Variants in COL22A1 observed in about 807,000 individuals in gnomAD.
The protein encoded by COL22A1 is collagen alpha-1(XXII) chain.
COL22A1 carries 221 observed loss-of-function variants against 248.9 expected under a neutral mutation model. The observed-to-expected ratio is 0.89, with a 90% CI of 0.80 to 0.99. The LOEUF (loss-of-function observed/expected upper bound fraction) is 0.99, where lower values mean the gene tolerates loss of function less well. Among genes scored for constraint, COL22A1 ranks in the 50% least tolerant of loss-of-function variants. The pLI, the probability that COL22A1 is intolerant of heterozygous loss-of-function variation, is 0.00. For synonymous variants in COL22A1, 891 were observed against 793.4 expected (o/e 1.12, Z -2.07); for missense variants, 2,240 against 2,179.0 (o/e 1.03, Z -0.56).
At chr8:138,833,191 A>G (rs1470378160) in intron 4 of COL22A1, 41 bp from the exon 5 acceptor site, 2 of 1,383,746 alleles carry the variant, frequency 1.4e-6, no homozygotes, top group Admixed American at 3.4e-5. Context: ...TGGAGAAGGA[A>G]GAGTATAAGA....
At chr8:138,689,118 C>A (rs1826608894) in intron 36 of COL22A1, 148 bp from the exon 37 acceptor site, 3 of 662,002 alleles carry the variant, frequency 4.5e-6, no homozygotes, top group Admixed American at 2.4e-5. Context: ...TTAAATTCCC[C>A]AAAGCTCCAC....
intron 12 of COL22A1, among the ~76,000 whole-genome samples, chr8:138,795,189 G>A (rs1040928234): frequency 1.3e-5 from 2 of 152,208 alleles, no homozygotes; most frequent in Non-Finnish European, 2.9e-5. Context: ...ATGGAAAGCG[G>A]CAGGAGATTT....
chr8:138,844,596 G>A (rs1254838058), intron 3 of COL22A1, among the ~76,000 whole-genome samples: 1 of 152,194 alleles, frequency 6.6e-6, no homozygotes, highest in African/African-American at 2.4e-5. Flanking sequence ...AGAACTGTAA[G>A]ATTTAGCCTG....
intron 16 of COL22A1, among the ~76,000 whole-genome samples, chr8:138,765,040 C>T (rs955767542): frequency 3.3e-5 from 5 of 152,198 alleles, no homozygotes; most frequent in African/African-American, 9.6e-5. Flanking sequence ...GCCTGGGTTT[C>T]GTCTCTGCCA....
intron 30 of COL22A1, among the ~76,000 whole-genome samples, chr8:138,711,944 T>C (rs1308674955): frequency 6.6e-6 from 1 of 152,228 alleles, no homozygotes; most frequent in Non-Finnish European, 1.5e-5. Context: ...AAACCTCTAT[T>C]CATGCAGCTC....
intron 52 of COL22A1, among the ~76,000 whole-genome samples, chr8:138,622,984 T>A: frequency 6.6e-6 from 1 of 151,846 alleles, no homozygotes; most frequent in East Asian, 1.9e-4. Context: ...AACCGATGAA[T>A]CATCATGATG....
intron 3 of COL22A1, among the ~76,000 whole-genome samples, chr8:138,847,592 T>C (rs1286331005): frequency 6.6e-6 from 1 of 152,164 alleles, no homozygotes; most frequent in African/African-American, 2.4e-5. Context: ...AGGAAACAAA[T>C]AACCAAAGCT....
intron 32 of COL22A1, among the ~76,000 whole-genome samples, chr8:138,696,433 T>C (rs757610830): frequency 4.7e-5 from 7 of 148,524 alleles, no homozygotes; most frequent in Admixed American, 1.3e-4. Context: ...AAGAGTCTAA[T>C]GTCTACATTA....
At chr8:138,753,944 T>C (rs1302087978) in intron 21 of COL22A1, among the ~76,000 whole-genome samples, 1 of 152,198 alleles carries the variant, frequency 6.6e-6, no homozygotes. Context: ...AGAGGAAGGA[T>C]TGTATACTCC....
At chr8:138,609,047 G>A (rs1270223457) in intron 56 of COL22A1, among the ~76,000 whole-genome samples, 4 of 152,222 alleles carry the variant, frequency 2.6e-5, no homozygotes, top group East Asian at 1.9e-4. Context: ...TCTAATGTGC[G>A]AAGCATGCAT....
intron 29 of COL22A1, 81 bp downstream of exon 29, chr8:138,716,146 G>T: frequency 1.9e-6 from 2 of 1,072,054 alleles, no homozygotes; most frequent in Non-Finnish European, 2.7e-6. Context: ...CTGTCCCGAG[G>T]GACTGAGACT....
Position 138,588,956 on chromosome 8 carries a change from G to A in COL22A1, c.*297C>T, listed in dbSNP as rs377250129. On this transcript the variant is annotated 3_prime_UTR_variant, in exon 65 of 65. Coordinates refer to ENST00000303045, the MANE Select transcript of COL22A1 (RefSeq NM_152888.3). ...ATGAAGAAACAATCTCCTGCCCCAC[G>A]AATCAAGTTTTCCCAACTTTAAAGG... 1.2e-5 allele frequency: 3 copies of A among 241,238 alleles called. No individual in the cohort carries two copies. The highest frequency in any genetic ancestry group is 5.7e-5 in the Admixed American group (1 of 17,482). The allele number at this position is 241,238 out of a possible 1,614,324, so 14.9% of individuals were successfully genotyped here. A position where few individuals can be genotyped will look rare whatever the true frequency, so the allele number is the denominator to read the frequency against.
In COL22A1 at chr8:138,899,933, G is replaced by A. The variant is rs766137897; in HGVS notation, c.-73+13686C>T. 3.0e-4 allele frequency among the ~76,000 whole-genome samples: 46 copies of A among 152,262 alleles called. No individual in the cohort carries two copies. The Middle Eastern group carries it at 0.01, about 34-fold the overall frequency. On this transcript the variant is annotated intron_variant, in intron 1 of 64. Coordinates refer to ENST00000303045, the MANE Select transcript of COL22A1 (RefSeq NM_152888.3). The stretch of plus-strand genomic sequence containing the variant: ...TTAAATGAGTAAATAAATAAAAATG[G>A]CAGCTGATCCAGTAGACTGCAGGGT...
rs1408857364 is a variant in COL22A1, at chr8:138,623,745, G to T, written c.3758C>A (p.Pro1253His). 3.7e-6 allele frequency: 6 copies of T among 1,611,968 alleles called. No homozygotes were observed. Among genetic ancestry groups the T allele is most frequent in the Middle Eastern group, 1.7e-4 (1 of 6,040 alleles). ...AGAGTCCTTTACCGGCTCTCCAGGG[G>T]GACCCGGCTTTCCATCTCTGCCCTC... ...GKEGRDGKPG[P>H]PGEPGKAGEP... The change falls in exon 52 of 65, where the codon CCC becomes CAC. Residue 1253 changes from proline to histidine, a missense_variant. Physicochemically the swap from Pro to His is moderately conservative, Grantham distance 77 (BLOSUM62 -2). Transcript: ENST00000303045.
chr8:138,701,846 A>AT (rs1828002502), intron 31 of COL22A1, among the ~76,000 whole-genome samples: 2 of 152,100 alleles, frequency 1.3e-5, no homozygotes, highest in African/African-American at 2.4e-5. Context: ...TGACTAATAG[A>AT]TTTTTTCTAC....
intron 5 of COL22A1, chr8:138,827,088 G>T (rs1819647913): frequency 2.9e-6 from 1 of 345,290 alleles, no homozygotes; most frequent in South Asian, 3.4e-5. Context: ...ACGCTAAATG[G>T]TCACGCCCCC....
intron 16 of COL22A1, among the ~76,000 whole-genome samples, chr8:138,771,462 C>A (rs568699572): frequency 6.6e-6 from 1 of 152,270 alleles, no homozygotes; most frequent in African/African-American, 2.4e-5. Flanking sequence ...CAGGAGTTCT[C>A]CCCCGGCTTC....
intron 16 of COL22A1, 25 bp downstream of exon 16, chr8:138,775,941 A>G (rs753372457): frequency 2.1e-5 from 34 of 1,611,554 alleles, no homozygotes; most frequent in Admixed American, 1.0e-4. Context: ...AGCCGTATTG[A>G]TGAATGAGTG....
At chr8:138,790,319 C>T (rs942962305) in intron 12 of COL22A1, among the ~76,000 whole-genome samples, 1 of 152,140 alleles carries the variant, frequency 6.6e-6, no homozygotes, top group Non-Finnish European at 1.5e-5. Flanking sequence ...AAGGCTCCAC[C>T]CTCATGACCC....
Sources: allele counts gnomAD v4.1 joint callset (sites outside exome capture counted in the v4.1 genomes callset), GRCh38; gene constraint gnomAD v4.1.1; transcripts MANE v1.5; gene names NCBI Gene and HGNC (gene_info 2026-07-23, HGNC 2026-07-21).